KLHL2: variants seen among roughly 807,000 people sequenced by gnomAD.
The protein encoded by KLHL2 is kelch like family member 2.
A neutral mutation model predicts 75.8 loss-of-function variants in KLHL2; 15 were observed. The observed-to-expected ratio is 0.20, with a 90% CI of 0.13 to 0.30. The LOEUF (loss-of-function observed/expected upper bound fraction) is 0.30. Among genes scored for constraint, KLHL2 ranks in the 10% least tolerant of loss-of-function variants. The probability of loss-of-function intolerance (pLI) is 1.00; values close to 1 mark genes in which losing one functional copy is unlikely to be tolerated. For missense variants in KLHL2, 381 were observed against 741.0 expected, an observed-to-expected ratio of 0.51 and a Z score of 5.64; for synonymous variants, 214 against 251.9, an observed-to-expected ratio of 0.85 and a Z score of 1.42.
In KLHL2 at chr4:165,207,674, A is replaced by G. The variant is rs1326585161; in HGVS notation, c.-203A>G. On this transcript the variant is annotated 5_prime_UTR_variant, in exon 1 of 15. Coordinates refer to ENST00000226725, the MANE Select transcript of KLHL2 (RefSeq NM_007246.4). This position sits in a 1 kb window ranked among gnomAD's most constrained non-coding sequence, Gnocchi z 4.2. ...ACTCGGGCGAGCGCGGGAGCCGCGC[A>G]GTAGACGGAGCGCGCCCGGCCGAGC... 5 of 168,694 alleles carry G rather than the reference A, an allele frequency of 3.0e-5. No homozygotes were observed. The highest frequency in any genetic ancestry group is 6.1e-5 in the Non-Finnish European group (5 of 82,436). 10.4% of individuals were successfully genotyped at this position (168,694 alleles called of 1,614,324 possible).
chr4:165,296,852 T>C (rs1744952241), intron 6 of KLHL2, among the ~76,000 whole-genome samples: 1 of 152,224 alleles, frequency 6.6e-6, no homozygotes. Context: ...ATGTGCATTA[T>C]TTTTAGTTTC....
chr4:165,270,137 A>G (rs530290826), intron 5 of KLHL2, among the ~76,000 whole-genome samples: 1 of 152,274 alleles, frequency 6.6e-6, no homozygotes, highest in African/African-American at 2.4e-5. Context: ...TGCATGAGTC[A>G]CAAAGTTCTC....
At chr4:165,304,948 C>T (rs1745613703) in intron 8 of KLHL2, among the ~76,000 whole-genome samples, 1 of 152,120 alleles carries the variant, frequency 6.6e-6, no homozygotes, top group African/African-American at 2.4e-5. Context: ...GTTGAGGGAA[C>T]TTATAGACCT....
chr4:165,277,748 A>AACACAC (rs56079802), intron 5 of KLHL2: 6,855 of 533,166 alleles, frequency 0.013, 28 homozygotes, highest in Middle Eastern at 0.029. Context: ...GGATGTTAAA[A>AACACAC]ACACACACAC....
At chr4:165,300,452 T>C (rs1239408179) in intron 8 of KLHL2, among the ~76,000 whole-genome samples, 1 of 152,240 alleles carries the variant, frequency 6.6e-6, no homozygotes, top group African/African-American at 2.4e-5. Flanking sequence ...TACCATTTGA[T>C]GGTTCCCTGC....
At chr4:165,215,944 G>C (rs1449044609) in intron 1 of KLHL2, among the ~76,000 whole-genome samples, 4 of 152,122 alleles carry the variant, frequency 2.6e-5, no homozygotes, top group Non-Finnish European at 4.4e-5. Flanking sequence ...CTCTTCATGT[G>C]AGAAGGGGTG....
At chr4:165,213,786 A>G (rs1292212930) in intron 1 of KLHL2, among the ~76,000 whole-genome samples, 5 of 152,168 alleles carry the variant, frequency 3.3e-5, no homozygotes, top group Non-Finnish European at 5.9e-5. Flanking sequence ...GAATATTGCT[A>G]TTAACTTTGA....
intron 2 of KLHL2, among the ~76,000 whole-genome samples, chr4:165,226,908 T>C (rs2111025361): frequency 1.3e-5 from 2 of 152,280 alleles, no homozygotes; most frequent in East Asian, 3.9e-4. Flanking sequence ...TTTCCCCAGC[T>C]ATAAATTTGG....
chr4:165,268,281 T>G (rs1579081033), intron 5 of KLHL2, among the ~76,000 whole-genome samples: 1 of 152,286 alleles, frequency 6.6e-6, no homozygotes. Flanking sequence ...ATTCATTGAT[T>G]TTTTGAAGGG....
intron 5 of KLHL2, among the ~76,000 whole-genome samples, chr4:165,292,761 CTT>C (rs905645082): frequency 4.3e-4 from 66 of 151,914 alleles, no homozygotes; most frequent in African/African-American, 1.5e-3. Flanking sequence ...TGAAATGAAT[CTT>C]TTATTTCACC....
intron 3 of KLHL2, among the ~76,000 whole-genome samples, chr4:165,238,089 A>G (rs28575657): frequency 0.44 from 66,598 of 152,014 alleles, 15,610 homozygotes; most frequent in African/African-American, 0.6. Context: ...TAAAGCTGGT[A>G]TGGAAATGAC....
chr4:165,212,656 T>A lies in KLHL2; in HGVS notation c.26+4754T>A, dbSNP rs572383235. 1.6e-4 allele frequency among the ~76,000 whole-genome samples: 25 copies of A among 152,354 alleles called. No homozygotes were observed. In the South Asian group the frequency reaches 5.0e-3, roughly 30 times the overall value. On this transcript the variant is annotated intron_variant, in intron 1 of 14. Transcript: ENST00000226725. The stretch of plus-strand genomic sequence containing the variant: ...TTTATCACTTAATCTCACTTAGTCT[T>A]GTCAACAACCTTATAGTGGTAGGTG...
At chr4:165,208,737 T>C (rs985933661) in intron 1 of KLHL2, among the ~76,000 whole-genome samples, 4 of 152,330 alleles carry the variant, frequency 2.6e-5, no homozygotes, top group African/African-American at 9.6e-5. Context: ...ATTTCAATTT[T>C]GGTTCCCTCT....
At chr4:165,299,717 T>TATTCAAATG in intron 8 of KLHL2, 61 bp downstream of exon 8, 1 of 1,414,218 alleles carries the variant, frequency 7.1e-7, no homozygotes, top group Non-Finnish European at 9.5e-7. Flanking sequence ...GTGAAGCTGT[T>TATTCAAATG]AGTATTTTGC....
chr4:165,298,529 A>G (rs998555701), intron 7 of KLHL2, among the ~76,000 whole-genome samples: 2 of 152,304 alleles, frequency 1.3e-5, no homozygotes, highest in Non-Finnish European at 2.9e-5. Context: ...TATTTTAATA[A>G]TTGAAACCAT....
intron 9 of KLHL2, among the ~76,000 whole-genome samples, chr4:165,309,779 T>C (rs990766663): frequency 2.0e-5 from 3 of 152,198 alleles, no homozygotes; most frequent in African/African-American, 7.2e-5. Flanking sequence ...GGACCAAATT[T>C]AGCCTGTAGC....
At chr4:165,276,072 G>T (rs1441437080) in intron 5 of KLHL2, among the ~76,000 whole-genome samples, 1 of 152,112 alleles carries the variant, frequency 6.6e-6, no homozygotes, top group African/African-American at 2.4e-5. Context: ...AGGTTGCAAT[G>T]AGCTGAGATC....
chr4:165,219,369 G>C (rs1208685748), intron 1 of KLHL2, among the ~76,000 whole-genome samples: 2 of 152,214 alleles, frequency 1.3e-5, no homozygotes, highest in Admixed American at 1.3e-4. Flanking sequence ...ACCAAATAAT[G>C]AAAGTAAACT....
chr4:165,312,022 A>T (rs779590649), intron 11 of KLHL2, among the ~76,000 whole-genome samples: 4 of 152,110 alleles, frequency 2.6e-5, no homozygotes, highest in Non-Finnish European at 4.4e-5. Flanking sequence ...ACCTCAGATC[A>T]TCAGGCATTA....
Sources: gnomAD v4.1 joint callset for allele counts (sites outside exome capture counted in the v4.1 genomes callset) on GRCh38, gnomAD v4.1.1 for gene constraint, Gnocchi (gnomAD v3.1) non-coding constraint, MANE v1.5 for transcripts, NCBI Gene and HGNC (gene_info 2026-07-23, HGNC 2026-07-21) for gene names.